Variants in RBFOX1 observed in about 807,000 individuals in gnomAD.
The protein encoded by RBFOX1 is RNA binding fox-1 homolog 1.
A neutral mutation model predicts 57.7 loss-of-function variants in RBFOX1; 8 were observed. That is an observed-to-expected ratio of 0.14 (90% CI 0.08 to 0.25). The LOEUF (loss-of-function observed/expected upper bound fraction) is 0.25, where lower values mean the gene tolerates loss of function less well. Among genes scored for constraint, RBFOX1 ranks in the 10% least tolerant of loss-of-function variants. The pLI is 1.00. For missense variants in RBFOX1, 611 were observed against 548.5 expected (o/e 1.11, Z -1.14); for synonymous variants, 326 against 222.4 (o/e 1.47, Z -4.15).
At chr16:5,672,849 C>T (rs2050053185) in intron 3 of RBFOX1, among the ~76,000 whole-genome samples, 1 of 109,320 alleles carries the variant, frequency 9.1e-6, no homozygotes, top group South Asian at 3.8e-4. Context: ...AAATCCTTCA[C>T]CGTAGGTGTG....
intron 3 of RBFOX1, among the ~76,000 whole-genome samples, chr16:6,844,294 C>T (rs1682504658): frequency 6.6e-6 from 1 of 152,064 alleles, no homozygotes; most frequent in South Asian, 2.1e-4. Context: ...ACAGGTCATC[C>T]CATCACCTAG....
At chr16:7,169,952 G>A (rs1346559427) in intron 4 of RBFOX1, among the ~76,000 whole-genome samples, 1 of 152,004 alleles carries the variant, frequency 6.6e-6, no homozygotes, top group East Asian at 1.9e-4. Context: ...ACACGCCTGT[G>A]GTCCCAGCTA....
rs377335845 is a variant in RBFOX1, at chr16:6,559,018, C to G, written c.-63-95585C>G. ...GAAAGTCTTTCCTGGAATTCCCACC[C>G]CTAATGCAACTCCAACTCCCTAGGA... On this transcript the variant is annotated intron_variant, in intron 2 of 15. Transcript: ENST00000550418. 7.8e-4 allele frequency among the ~76,000 whole-genome samples: 119 copies of G among 152,228 alleles called. 1 individual carries two copies. Among genetic ancestry groups the G allele is most frequent in the Middle Eastern group, 6.8e-3 (2 of 294 alleles).
chr16:5,577,628 T>C (rs1324256821), intron 2 of RBFOX1, among the ~76,000 whole-genome samples: 1 of 152,164 alleles, frequency 6.6e-6, no homozygotes, highest in African/African-American at 2.4e-5. Flanking sequence ...TGAGGCCAGG[T>C]GTGGTCTCGA....
chr16:6,506,566 G>T (rs1004735743), intron 2 of RBFOX1, among the ~76,000 whole-genome samples: 1 of 148,596 alleles, frequency 6.7e-6, no homozygotes, highest in African/African-American at 2.5e-5. Flanking sequence ...GTGTAGTCTA[G>T]ACTCACCTTT....
At chr16:7,020,470 C>T (rs973572043) in intron 3 of RBFOX1, among the ~76,000 whole-genome samples, 1 of 152,158 alleles carries the variant, frequency 6.6e-6, no homozygotes, top group South Asian at 2.1e-4. Flanking sequence ...CCACCTGCCT[C>T]AACCTCCCAA....
intron 3 of RBFOX1, among the ~76,000 whole-genome samples, chr16:7,010,858 T>G (rs1468503153): frequency 1.3e-5 from 2 of 152,202 alleles, no homozygotes; most frequent in African/African-American, 4.8e-5. Context: ...ATTATAGGCA[T>G]GAGCCACTGC....
At chr16:7,572,153 T>C (rs1277739740) in intron 5 of RBFOX1, among the ~76,000 whole-genome samples, 3 of 152,138 alleles carry the variant, frequency 2.0e-5, no homozygotes, top group Non-Finnish European at 2.9e-5. Context: ...TTATTAATAC[T>C]GTTAATAATG....
In RBFOX1 at chr16:7,011,472, G is replaced by C. The variant is rs537119729; in HGVS notation, c.-15-40585G>C. ...GTTGGATTTTTGTTTGTTTGTTTTT[G>C]TTGTGTGTGTTTGTTTGTTTTTGTT... On this transcript the variant is annotated intron_variant, in intron 3 of 15. Coordinates refer to ENST00000550418, the MANE Select transcript of RBFOX1 (RefSeq NM_018723.4). 4.6e-5 allele frequency among the ~76,000 whole-genome samples: 7 copies of C among 152,108 alleles called. No homozygotes were observed. In the South Asian group the frequency reaches 6.2e-4, roughly 14 times the overall value.
At chr16:6,613,034 TGTGTG>T (rs2098088654) in intron 2 of RBFOX1, among the ~76,000 whole-genome samples, 1 of 138,756 alleles carries the variant, frequency 7.2e-6, no homozygotes, top group Admixed American at 7.8e-5. Context: ...TGTGTGTGTG[TGTGTG>T]TGTGAGTGTG....
intron 3 of RBFOX1, among the ~76,000 whole-genome samples, chr16:6,706,248 G>A (rs544622190): frequency 6.6e-6 from 1 of 152,246 alleles, no homozygotes; most frequent in African/African-American, 2.4e-5. Flanking sequence ...GGTCGCCCAT[G>A]TCCCAGTTTT....
chr16:6,859,572 G>A lies in RBFOX1; in HGVS notation c.-15-192485G>A, dbSNP rs376885799. ...TGCCTGTGGAAATCTGAATTTAGAT[G>A]AGCCACACTTTGTAGAAAATGCTTC... is the stretch of plus-strand genomic sequence containing the variant. On this transcript the variant is annotated intron_variant, in intron 3 of 15. Coordinates refer to ENST00000550418, the MANE Select transcript of RBFOX1 (RefSeq NM_018723.4). Among the ~76,000 whole-genome samples the A allele has an allele frequency of 7.9e-5, 12 of 152,050 alleles. 1 individual carries two copies. The highest frequency in any genetic ancestry group is 1.9e-4 in the East Asian group (1 of 5,154).
intron 4 of RBFOX1, among the ~76,000 whole-genome samples, chr16:7,169,573 C>A (rs572377924): frequency 6.6e-6 from 1 of 152,176 alleles, no homozygotes; most frequent in Non-Finnish European, 1.5e-5. Context: ...TGATTAATTG[C>A]ATCTTCAACA....
At chr16:5,834,694 GA>G (rs2056396715) in intron 3 of RBFOX1, among the ~76,000 whole-genome samples, 1 of 117,036 alleles carries the variant, frequency 8.5e-6, no homozygotes, top group African/African-American at 4.4e-5. Flanking sequence ...TAGGTAGATA[GA>G]TAGATAGATA....
chr16:7,197,288 C>T (rs117998776), intron 4 of RBFOX1, among the ~76,000 whole-genome samples: 1 of 152,032 alleles, frequency 6.6e-6, no homozygotes, highest in African/African-American at 2.4e-5. Flanking sequence ...TGCTTCATGT[C>T]GTGGTTGAAG....
intron 2 of RBFOX1, among the ~76,000 whole-genome samples, chr16:6,583,187 C>T (rs576949545): frequency 1.3e-5 from 2 of 152,248 alleles, no homozygotes; most frequent in African/African-American, 2.4e-5. Context: ...CAGCAAAAGG[C>T]CCAGGAGTAG....
chr16:7,004,405 C>G (rs763073299), intron 3 of RBFOX1, among the ~76,000 whole-genome samples: 20 of 152,218 alleles, frequency 1.3e-4, no homozygotes, highest in Non-Finnish European at 2.2e-4. Context: ...TATTTAGTCT[C>G]AGAGACCCAA....
chr16:7,314,076 A>G (rs1235882423), intron 4 of RBFOX1, among the ~76,000 whole-genome samples: 1 of 152,124 alleles, frequency 6.6e-6, no homozygotes, highest in Non-Finnish European at 1.5e-5. Context: ...TGTTTAATGA[A>G]TTGCAACAAA....
At chr16:7,084,638 T>C (rs529940284) in intron 4 of RBFOX1, among the ~76,000 whole-genome samples, 1 of 152,310 alleles carries the variant, frequency 6.6e-6, no homozygotes. Flanking sequence ...TTTCTTCAAA[T>C]TGAGCTTCAA....
Sources: gnomAD v4.1 joint callset for allele counts (sites outside exome capture counted in the v4.1 genomes callset) on GRCh38, gnomAD v4.1.1 for gene constraint, MANE v1.5 for transcripts, NCBI Gene and HGNC (gene_info 2026-07-23, HGNC 2026-07-21) for gene names.